The following GGCT variants were observed in gnomAD, a reference collection of about 807,000 sequenced individuals.
GGCT encodes the protein cytochrome c-releasing factor 21.
A neutral mutation model predicts 22.1 loss-of-function variants in GGCT; 20 were observed. The ratio of observed to expected loss-of-function variants is 0.91; its 90% CI spans 0.64 to 1.32. The LOEUF (loss-of-function observed/expected upper bound fraction) is 1.32. Among genes scored for constraint, GGCT ranks in the 40% most tolerant of loss-of-function variants. The pLI is 0.00. For missense variants in GGCT, 209 were observed against 223.5 expected (o/e 0.94, Z 0.41); for synonymous variants, 72 against 78.4 (o/e 0.92, Z 0.43).
At chr7:30,500,114 T>A (rs886548909) in intron 2 of GGCT, among the ~76,000 whole-genome samples, 22 of 152,252 alleles carry the variant, frequency 1.4e-4, no homozygotes, top group African/African-American at 5.3e-4. Context: ...TGTCCTCAGA[T>A]GCTTTTACAA....
At position 30,500,439 on chromosome 7, in the gene GGCT, A is replaced by G. The variant is rs1174053374; in HGVS notation, c.287+97T>C. The stretch of plus-strand genomic sequence containing the variant: ...AAAGTATAATGAATATGTCTGTAGT[A>G]TGTGGTTTTGAAAAACTAACACACA... On this transcript the variant is annotated intron_variant, in intron 2 of 3. Coordinates refer to ENST00000275428, the MANE Select transcript of GGCT (RefSeq NM_024051.4). 5.7e-6 allele frequency: 5 copies of G among 879,524 alleles called. No homozygotes were observed. The East Asian group carries it at 9.7e-5, about 17-fold the overall frequency. The allele number at this position is 879,524 out of a possible 1,614,324, so 54.5% of individuals were successfully genotyped here.
At chr7:30,499,555 A>G (rs1310040600) in intron 2 of GGCT, among the ~76,000 whole-genome samples, 4 of 151,026 alleles carry the variant, frequency 2.6e-5, no homozygotes, top group African/African-American at 4.9e-5. Context: ...AAAAAAACAC[A>G]CAAAAAATTA....
chr7:30,498,865 T>C lies in GGCT; in HGVS notation c.361A>G (p.Thr121Ala). The change falls in exon 3 of 4, where the codon ACC (threonine) becomes GCC (alanine). Residue 121 changes from threonine to alanine, a missense_variant. Coordinates refer to ENST00000275428, the MANE Select transcript of GGCT (RefSeq NM_024051.4). The stretch of plus-strand genomic sequence containing the variant: ...TTTGTCATCAGATAACTTCGACAGG[T>C]TATTTCTTTTCCTTCTTGAGTTGCA... ...KVATQEGKEI[T>A]CRSYLMTNYE... 1 of 1,612,540 alleles carries C rather than the reference T, an allele frequency of 6.2e-7. No individual in the cohort carries two copies. The highest frequency in any genetic ancestry group is 8.5e-7 in the Non-Finnish European group (1 of 1,178,572).
At chr7:30,497,665 T>C in intron 3 of GGCT, 1 of 794,906 alleles carries the variant, frequency 1.3e-6, no homozygotes, top group Non-Finnish European at 1.8e-6. Context: ...TAGCGGTACT[T>C]TCATAATCTA....
intron 1 of GGCT, 25 bp from the exon 2 acceptor site, chr7:30,500,706 G>T (rs746887289): frequency 6.2e-7 from 1 of 1,602,144 alleles, no homozygotes; most frequent in Non-Finnish European, 8.5e-7. Flanking sequence ...AAAGTGATAT[G>T]ATCAATATCC....
chr7:30,500,739 T>C (rs750564016), intron 1 of GGCT, 58 bp from the exon 2 acceptor site: 46 of 1,461,416 alleles, frequency 3.1e-5, no homozygotes, highest in Non-Finnish European at 4.3e-5. Flanking sequence ...ATTTCCCTCA[T>C]CAAAATAAAA....
At chr7:30,500,469 C>T in intron 2 of GGCT, 67 bp downstream of exon 2, 2 of 1,269,590 alleles carry the variant, frequency 1.6e-6, no homozygotes, top group East Asian at 2.3e-5. Context: ...CACACAGGTA[C>T]ACATCCTCAC....
intron 3 of GGCT, chr7:30,497,456 T>G: frequency 2.6e-6 from 1 of 387,028 alleles, no homozygotes. Flanking sequence ...CCTCATGGAA[T>G]ATCAACTTTC....
intron 1 of GGCT, among the ~76,000 whole-genome samples, chr7:30,504,064 G>A (rs1789766784): frequency 6.6e-6 from 1 of 152,150 alleles, no homozygotes; most frequent in Non-Finnish European, 1.5e-5. Context: ...ACTGGTTATA[G>A]TTCATGCAGC....
In GGCT at chr7:30,498,825, G is replaced by A. The variant is rs953940798; in HGVS notation, c.401C>T (p.Pro134Leu). The A allele has an allele frequency of 6.2e-7, 1 of 1,613,236 alleles. No individual in the cohort carries two copies. Among genetic ancestry groups the A allele is most frequent in the African/African-American group, 1.3e-5 (1 of 74,904 alleles). The stretch of plus-strand genomic sequence containing the variant: ...TACCTTTTTATACTGTGGGGATGGG[G>A]GAGCACTTTCGTAATTTGTCATCAG... ...SYLMTNYESA[P>L]PSPQYKKIIC... Residue 134 changes from proline (P) to leucine (L), a missense_variant, in exon 3 of 4, where the codon CCC (proline) becomes CTC (leucine). Transcript: ENST00000275428.
chr7:30,504,623 C>T lies in GGCT; in HGVS notation c.87G>A (p.Glu29=). 6.2e-7 allele frequency: 1 copy of T among 1,614,128 alleles called. No homozygotes were observed. Among genetic ancestry groups the T allele is most frequent in the Non-Finnish European group, 8.5e-7 (1 of 1,179,972 alleles). The change falls in exon 1 of 4, where the codon GAG becomes GAA. Residue 29 remains glutamate, a synonymous_variant. Coordinates refer to ENST00000275428, the MANE Select transcript of GGCT (RefSeq NM_024051.4). ...YFAYGSNLLT[E]RIHLRNPSAA... is the part of the protein sequence containing the mutation. Reference sequence around the variant, plus strand: ...CCGAGGGGTTTCGGAGGTGGATCCTCTCTGTCAGCAGGTTGCTGCCGTAGG... The same window carrying T: ...CCGAGGGGTTTCGGAGGTGGATCCTTTCTGTCAGCAGGTTGCTGCCGTAGG...
At chr7:30,504,352 G>A (rs953182196) in intron 1 of GGCT, among the ~76,000 whole-genome samples, 2 of 152,264 alleles carry the variant, frequency 1.3e-5, no homozygotes, top group Admixed American at 6.5e-5. Context: ...CCAGGAGGGG[G>A]AAAGCTCCAG....
intron 1 of GGCT, among the ~76,000 whole-genome samples, chr7:30,501,654 T>A (rs1258050771): frequency 1.3e-5 from 2 of 152,112 alleles, no homozygotes; most frequent in African/African-American, 4.8e-5. Flanking sequence ...ACAAAACAAA[T>A]AAAATACAGA....
chr7:30,500,772 C>T, intron 1 of GGCT, 91 bp from the exon 2 acceptor site: 1 of 1,006,834 alleles, frequency 9.9e-7, no homozygotes. Flanking sequence ...GAACTCCATG[C>T]AATTAAAACA....
Position 30,497,229 on chromosome 7 carries a change from AAAT to A in GGCT, c.427_429del (p.Ile143del). ...AAACCATTTTCTTTTGCACCCATGCAAATAATCTGGAAATGGTTAAAACAAACA... is the reference window on the plus strand; with the variant it reads ...AAACCATTTTCTTTTGCACCCATGCAAATCTGGAAATGGTTAAAACAAACA... On this transcript the variant is annotated inframe_deletion, in exon 4 of 4. Transcript: ENST00000275428. The A allele has an allele frequency of 6.2e-7, 1 of 1,601,622 alleles. No individual in the cohort carries two copies. The highest frequency in any genetic ancestry group is 1.1e-5 in the South Asian group (1 of 88,124).
At chr7:30,503,477 T>C (rs961907949) in intron 1 of GGCT, among the ~76,000 whole-genome samples, 3 of 152,170 alleles carry the variant, frequency 2.0e-5, no homozygotes, top group Admixed American at 2.0e-4. Flanking sequence ...ATTCTGGGGC[T>C]TTCAATTAGA....
chr7:30,504,780 C>T lies in GGCT; in HGVS notation c.-71G>A. On this transcript the variant is annotated 5_prime_UTR_variant, in exon 1 of 4. Transcript: ENST00000275428. ...ACGGCCAGAGAGCGCAACACTGGGGCCCACTACCCCGGCGCAGTGACCGCC... is the reference window on the plus strand; with the variant it reads ...ACGGCCAGAGAGCGCAACACTGGGGTCCACTACCCCGGCGCAGTGACCGCC... 6.7e-7 allele frequency: 1 copy of T among 1,487,216 alleles called. No homozygotes were observed. Among genetic ancestry groups the T allele is most frequent in the Non-Finnish European group, 9.3e-7 (1 of 1,071,660 alleles). The allele number at this position is 1,487,216 out of a possible 1,614,324, so 92.1% of individuals were successfully genotyped here.
Position 30,504,604 on chromosome 7 carries a change from G to C in GGCT, c.106C>G (p.Pro36Ala). 4 of 1,614,058 alleles carry C rather than the reference G, an allele frequency of 2.5e-6. No individual in the cohort carries two copies. The highest frequency in any genetic ancestry group is 3.4e-6 in the Non-Finnish European group (4 of 1,179,932). ...GCCACACAGAAGAACGCCGCCGAGG[G>C]GTTTCGGAGGTGGATCCTCTCTGTC... ...LLTERIHLRN[P>A]SAAFFCVARL... is the part of the protein sequence containing the mutation. The change falls in exon 1 of 4, where the codon CCC (proline) becomes GCC (alanine). Residue 36 changes from proline to alanine, a missense_variant. Physicochemically the swap from Pro to Ala is conservative, Grantham distance 27. Transcript: ENST00000275428.
chr7:30,499,700 G>A (rs1211429496), intron 2 of GGCT, among the ~76,000 whole-genome samples: 2 of 151,258 alleles, frequency 1.3e-5, no homozygotes, highest in African/African-American at 2.4e-5. Context: ...CAACAAGAGC[G>A]AGACTCCGTT....
Sources: gnomAD v4.1 joint callset for allele counts (sites outside exome capture counted in the v4.1 genomes callset) on GRCh38, gnomAD v4.1.1 for gene constraint, MANE v1.5 for transcripts, NCBI Gene and HGNC (gene_info 2026-07-23, HGNC 2026-07-21) for gene names.